PSG7: variants seen among roughly 807,000 people sequenced by gnomAD.
PSG7 encodes the protein pregnancy-specific beta-1-glycoprotein 7.
A neutral mutation model predicts 45.6 loss-of-function variants in PSG7; 57 were observed. The observed-to-expected ratio is 1.25, with a 90% CI of 1.01 to 1.56. PSG7 has a LOEUF of 1.56. Ranked by LOEUF, PSG7 falls within the 40% of genes most tolerant of loss-of-function variation. The pLI, the probability that PSG7 is intolerant of heterozygous loss-of-function variation, is 0.00. For synonymous variants in PSG7, 298 were observed against 194.4 expected (o/e 1.53, Z -4.43); for missense variants, 796 against 508.4 (o/e 1.57, Z -5.44).
Position 42,924,571 on chromosome 19 carries a change from A to G in PSG7, c.*237T>C. ...GAGTCTTATTCTGACATCTTGGGAA[A>G]AGCTGTCCACAGTGTGAAGTCATCA... On this transcript the variant is annotated 3_prime_UTR_variant, in exon 6 of 6. Transcript: ENST00000406070. The G allele has an allele frequency of 1.6e-6, 1 of 607,126 alleles. No homozygotes were observed. The highest frequency in any genetic ancestry group is 2.1e-5 in the South Asian group (1 of 48,666). The allele number at this position is 607,126 out of a possible 1,614,324, so 37.6% of individuals were successfully genotyped here. A position where few individuals can be genotyped will look rare whatever the true frequency, so the allele number is the denominator to read the frequency against.
At chr19:42,927,886 C>A (rs1972930777) in intron 3 of PSG7, among the ~76,000 whole-genome samples, 1 of 151,514 alleles carries the variant, frequency 6.6e-6, no homozygotes, top group South Asian at 2.1e-4. Flanking sequence ...TTTCTTATGC[C>A]TACAACTTAG....
At chr19:42,933,127 T>C (rs958724551) in intron 2 of PSG7, among the ~76,000 whole-genome samples, 1 of 148,522 alleles carries the variant, frequency 6.7e-6, no homozygotes, top group African/African-American at 2.5e-5. Context: ...TTTTTAGTCC[T>C]GTGCCCCTGA....
intron 5 of PSG7, chr19:42,925,515 C>T: frequency 1.0e-6 from 1 of 960,216 alleles, no homozygotes; most frequent in Non-Finnish European, 1.5e-6. Flanking sequence ...AAACATTATC[C>T]TCATTATTAT....
chr19:42,929,718 C>G lies in PSG7; in HGVS notation c.433G>C (p.Glu145Gln), dbSNP rs774167447. The change falls in exon 3 of 6, where the codon GAG (glutamate) becomes CAG (glutamine). Residue 145 changes from glutamate (E) to glutamine (Q), a missense_variant and splice_region_variant. Transcript: ENST00000406070. Reference sequence around the variant, plus strand: ...CTGGAGATGGAGGGTTTGGGAGTCTCCACTGTGCGGAAAACAGAGAGAAGA... The same window carrying G: ...CTGGAGATGGAGGGTTTGGGAGTCTGCACTGTGCGGAAAACAGAGAGAAGA... Reference protein sequence around the residue: ...TGRFTFTLYLETPKPSISSSN... With the variant: ...TGRFTFTLYLQTPKPSISSSN... 56 of 1,611,272 alleles carry G rather than the reference C, an allele frequency of 3.5e-5. No homozygotes were observed. Among genetic ancestry groups the G allele is most frequent in the Admixed American group, 1.2e-4 (7 of 59,818 alleles).
chr19:42,929,658 C>G lies in PSG7; in HGVS notation c.493G>C (p.Val165Leu), dbSNP rs746431878. 6.2e-7 allele frequency: 1 copy of G among 1,612,534 alleles called. No individual in the cohort carries two copies. The change falls in exon 3 of 6, where the codon GTG becomes CTG. Residue 165 changes from valine (V) to leucine (L), a missense_variant. Coordinates refer to ENST00000406070, the MANE Select transcript of PSG7 (RefSeq NM_002783.3). ...GTCTCAGGATCACAGGTTAAAATCA[C>G]AGCCTCCGTGGCCTCCCTGGGGTTG... ...NFNPREATEA[V>L]ILTCDPETPD...
At chr19:42,935,060 C>A (rs1973114949) in intron 2 of PSG7, among the ~76,000 whole-genome samples, 1 of 151,574 alleles carries the variant, frequency 6.6e-6, no homozygotes, top group South Asian at 2.1e-4. Context: ...TCTCAGGGGG[C>A]CCCTCAGGCC....
In PSG7 at chr19:42,935,572, T is replaced by C; in HGVS notation, c.262A>G (p.Ile88Val). ...CTGTATGCAGGCCCATATTTAATTA[T>C]TTGACCGTCTACTATATATGATGTA... The part of the protein sequence containing the change: ...YVTSYIVDGQ[I>V]IKYGPAYSGR... The change falls in exon 2 of 6, where the codon ATA becomes GTA. Residue 88 changes from isoleucine to valine, a missense_variant. By Grantham distance (29) the Ile-to-Val change is conservative (BLOSUM62 3). Coordinates refer to ENST00000406070, the MANE Select transcript of PSG7 (RefSeq NM_002783.3). 1 of 1,612,132 alleles carries C rather than the reference T, an allele frequency of 6.2e-7. No homozygotes were observed. The highest frequency in any genetic ancestry group is 1.1e-5 in the South Asian group (1 of 90,802).
At chr19:42,930,278 A>G (rs888159245) in intron 2 of PSG7, among the ~76,000 whole-genome samples, 1 of 151,648 alleles carries the variant, frequency 6.6e-6, no homozygotes, top group Non-Finnish European at 1.5e-5. Context: ...AGGTCAGTTC[A>G]GTCATCAGGC....
chr19:42,925,655 G>A (rs1285272855), intron 5 of PSG7, 118 bp downstream of exon 5: 2 of 1,569,802 alleles, frequency 1.3e-6, no homozygotes, highest in Non-Finnish European at 1.7e-6. Context: ...GAAAATTTGG[G>A]ATTTGCTTGT....
At chr19:42,933,266 AATATATAT>A (rs1161461136) in intron 2 of PSG7, among the ~76,000 whole-genome samples, 9 of 15,730 alleles carry the variant, frequency 5.7e-4, no homozygotes, top group Admixed American at 1.4e-3. Context: ...TCACCATTTC[AATATATAT>A]ATATATATAT....
Position 42,933,284 on chromosome 19 carries a change from TA to T in PSG7, c.430+2119del, listed in dbSNP as rs1568459441. 9.3e-3 allele frequency among the ~76,000 whole-genome samples: 78 copies of T among 8,348 alleles called. 4 individuals carry two copies. Among genetic ancestry groups the T allele is most frequent in the African/African-American group, 0.019 (61 of 3,162 alleles). The allele number at this position is 8,348 out of a possible 152,430, so 5.5% of individuals were successfully genotyped here. ...CCATTTCAATATATATATATATATA[TA>T]TATATATATATATATATATATATTT... On this transcript the variant is annotated intron_variant, in intron 2 of 5. Transcript: ENST00000406070.
At chr19:42,926,192 C>G (rs972868731) in intron 4 of PSG7, 165 bp from the exon 5 acceptor site, 1 of 1,407,974 alleles carries the variant, frequency 7.1e-7, no homozygotes, top group Non-Finnish European at 9.6e-7. Context: ...TCACCTGTTT[C>G]TCCCATCACA....
intron 2 of PSG7, among the ~76,000 whole-genome samples, chr19:42,932,490 AGTGAAATGG>A (rs1294161505): frequency 6.6e-6 from 1 of 151,454 alleles, no homozygotes; most frequent in Non-Finnish European, 1.5e-5. Flanking sequence ...TGGAGTCACG[AGTGAAATGG>A]GTGAAATGAG....
rs1023266231 is a variant in PSG7 at position 42,924,884 on chromosome 19, T to C, written c.1244-60A>G. 65 of 763,482 alleles carry C rather than the reference T, an allele frequency of 8.5e-5. No individual in the cohort carries two copies. The Admixed American group carries it at 1.0e-3, about 12-fold the overall frequency. The allele number at this position is 763,482 out of a possible 1,614,324, so 47.3% of individuals were successfully genotyped here. ...CAGAGCTGCAATCTCATAACAGGTG[T>C]ACTACGGTTTTATTTTCCACATAAT... On this transcript the variant is annotated intron_variant, in intron 5 of 5. Coordinates refer to ENST00000406070, the MANE Select transcript of PSG7 (RefSeq NM_002783.3).
chr19:42,931,973 C>T (rs1431115703), intron 2 of PSG7, among the ~76,000 whole-genome samples: 4 of 151,578 alleles, frequency 2.6e-5, no homozygotes, highest in African/African-American at 9.7e-5. Context: ...ATTCTTTCCA[C>T]AGCTGTGTGC....
intron 5 of PSG7, chr19:42,925,094 C>CA: frequency 2.0e-6 from 1 of 502,912 alleles, no homozygotes; most frequent in East Asian, 3.3e-5. Context: ...TAAGGAATCT[C>CA]AGATTAAACC....
intron 2 of PSG7, among the ~76,000 whole-genome samples, chr19:42,933,278 TATATATATATA>T (rs1973062155): frequency 1.6e-4 from 1 of 6,256 alleles, no homozygotes; most frequent in African/African-American, 4.3e-4. Flanking sequence ...TATATATATA[TATATATATATA>T]TATATATATA....
chr19:42,925,600 G>C (rs1972863639), intron 5 of PSG7, 173 bp downstream of exon 5: 1 of 1,444,110 alleles, frequency 6.9e-7, no homozygotes, highest in Admixed American at 2.3e-5. Flanking sequence ...CAGCCTGTTT[G>C]TTAAAGTTTT....
chr19:42,933,301 A>ATTTTTTT (rs1439847468), intron 2 of PSG7, among the ~76,000 whole-genome samples: 3 of 14,644 alleles, frequency 2.0e-4, no homozygotes, highest in African/African-American at 3.6e-4. Flanking sequence ...ATATATATAT[A>ATTTTTTT]TATATATTTT....
Sources: allele counts gnomAD v4.1 joint callset (sites outside exome capture counted in the v4.1 genomes callset), GRCh38; gene constraint gnomAD v4.1.1; transcripts MANE v1.5; gene names NCBI Gene and HGNC (gene_info 2026-07-23, HGNC 2026-07-21).